Variants in KCTD8 observed in about 807,000 individuals in gnomAD.
The protein encoded by KCTD8 is BTB/POZ domain-containing protein KCTD8.
KCTD8 carries 27 observed loss-of-function variants against 31.5 expected under a neutral mutation model. The ratio of observed to expected loss-of-function variants is 0.86; its 90% CI spans 0.63 to 1.18. The LOEUF (loss-of-function observed/expected upper bound fraction) is 1.18, where lower values mean the gene tolerates loss of function less well. Ranked by LOEUF, KCTD8 falls within the 50% of genes most tolerant of loss-of-function variation. The pLI is 0.00. For missense variants in KCTD8, 658 were observed against 647.7 expected (o/e 1.02, Z -0.17); for synonymous variants, 290 against 280.0 (o/e 1.04, Z -0.36).
chr4:44,255,522 T>C (rs1715965551), intron 1 of KCTD8, among the ~76,000 whole-genome samples: 1 of 151,932 alleles, frequency 6.6e-6, no homozygotes, highest in African/African-American at 2.4e-5. Flanking sequence ...AATATTTAAA[T>C]ATTTCACAGA....
At chr4:44,381,630 G>C (rs1417708588) in intron 1 of KCTD8, among the ~76,000 whole-genome samples, 3 of 152,078 alleles carry the variant, frequency 2.0e-5, no homozygotes. Context: ...GCCAATGCTG[G>C]AGGTGGGGCC....
At chr4:44,275,344 T>A (rs1430087074) in intron 1 of KCTD8, among the ~76,000 whole-genome samples, 1 of 151,996 alleles carries the variant, frequency 6.6e-6, no homozygotes, top group African/African-American at 2.4e-5. Flanking sequence ...GTCTTCTCCC[T>A]CCTTTCTTCC....
chr4:44,224,569 T>C (rs1339322400), intron 1 of KCTD8, among the ~76,000 whole-genome samples: 1 of 152,154 alleles, frequency 6.6e-6, no homozygotes, highest in Non-Finnish European at 1.5e-5. Flanking sequence ...CTCACCTCAA[T>C]GCCTTATTAA....
At chr4:44,226,092 T>C (rs1305163346) in intron 1 of KCTD8, among the ~76,000 whole-genome samples, 1 of 152,126 alleles carries the variant, frequency 6.6e-6, no homozygotes, top group Non-Finnish European at 1.5e-5. Flanking sequence ...CCTCCCAAAG[T>C]GTTGGGATTA....
At position 44,176,812 on chromosome 4, in the gene KCTD8, C is replaced by T. The variant is rs187591604; in HGVS notation, c.962-1562G>A. Among the ~76,000 whole-genome samples the T allele has an allele frequency of 6.4e-3, 974 of 152,086 alleles. 14 individuals carry two copies. The highest frequency in any genetic ancestry group is 0.023 in the African/African-American group (944 of 41,492). ...TTATACCTTGACTAACCTGACTCCC[C>T]CTCCTGAAAAACACAAACAACAAAG... On this transcript the variant is annotated intron_variant, in intron 1 of 1. Transcript: ENST00000360029.
intron 1 of KCTD8, among the ~76,000 whole-genome samples, chr4:44,424,196 T>C (rs1270643934): frequency 1.3e-5 from 2 of 152,054 alleles, no homozygotes; most frequent in Admixed American, 6.6e-5. Context: ...CTTTTCTAAA[T>C]ACCTATCTAT....
intron 1 of KCTD8, among the ~76,000 whole-genome samples, chr4:44,245,773 G>A (rs76983408): frequency 0.03 from 4,596 of 151,908 alleles, 236 homozygotes; most frequent in African/African-American, 0.11. Flanking sequence ...AAGACTGATT[G>A]CAGAAAAAGC....
intron 1 of KCTD8, among the ~76,000 whole-genome samples, chr4:44,349,257 G>A (rs1719134165): frequency 6.6e-6 from 1 of 152,156 alleles, no homozygotes. Context: ...AAAGAAGAAG[G>A]AGAAATATTG....
At chr4:44,245,778 A>T (rs1017792226) in intron 1 of KCTD8, among the ~76,000 whole-genome samples, 1 of 151,960 alleles carries the variant, frequency 6.6e-6, no homozygotes, top group Non-Finnish European at 1.5e-5. Flanking sequence ...TGATTGCAGA[A>T]AAAGCAGCTA....
intron 1 of KCTD8, among the ~76,000 whole-genome samples, chr4:44,185,469 C>T (rs917654506): frequency 4.6e-5 from 7 of 152,166 alleles, no homozygotes; most frequent in South Asian, 2.1e-4. Context: ...GTTCCTCTAG[C>T]ACATACGATA....
chr4:44,319,461 T>TAA lies in KCTD8; in HGVS notation c.961+128100_961+128101dup, dbSNP rs752761296. ...ATTTAGGGACTGAGTACCCCTGTGG[T>TAA]AAAAAAAAAAAAAATGCAACACAGG... On this transcript the variant is annotated intron_variant, in intron 1 of 1. Coordinates refer to ENST00000360029, the MANE Select transcript of KCTD8 (RefSeq NM_198353.3). Among the ~76,000 whole-genome samples, 941 of 136,478 alleles carry TAA rather than the reference T, an allele frequency of 6.9e-3. 12 individuals are homozygous for TAA. Among genetic ancestry groups the TAA allele is most frequent in the African/African-American group, 0.024 (892 of 37,388 alleles). The allele number at this position is 136,478 out of a possible 152,430, so 89.5% of individuals were successfully genotyped here.
chr4:44,332,100 AAATGCTCT>A (rs1718603895), intron 1 of KCTD8, among the ~76,000 whole-genome samples: 1 of 151,950 alleles, frequency 6.6e-6, no homozygotes, highest in Non-Finnish European at 1.5e-5. Flanking sequence ...ACGCTGAAAG[AAATGCTCT>A]AAGTAATCAG....
chr4:44,292,587 G>T (rs1717312481), intron 1 of KCTD8, among the ~76,000 whole-genome samples: 1 of 152,122 alleles, frequency 6.6e-6, no homozygotes, highest in Non-Finnish European at 1.5e-5. Context: ...ATGTACCCAT[G>T]TAACAAACCT....
intron 1 of KCTD8, among the ~76,000 whole-genome samples, chr4:44,321,218 T>A (rs953857410): frequency 1.3e-5 from 2 of 152,232 alleles, no homozygotes; most frequent in African/African-American, 2.4e-5. Flanking sequence ...ATTTTAACTA[T>A]ATAAGCTATT....
intron 1 of KCTD8, among the ~76,000 whole-genome samples, chr4:44,387,844 A>T (rs1290957120): frequency 6.6e-6 from 1 of 151,968 alleles, no homozygotes; most frequent in Non-Finnish European, 1.5e-5. Flanking sequence ...AAGCAATTGC[A>T]ACAAAAGCAA....
At chr4:44,420,418 C>T (rs1414832229) in intron 1 of KCTD8, among the ~76,000 whole-genome samples, 1 of 152,130 alleles carries the variant, frequency 6.6e-6, no homozygotes, top group Admixed American at 6.6e-5. Context: ...GATCAGCAAA[C>T]TTTTTCTTCT....
At chr4:44,384,478 C>T (rs1720156253) in intron 1 of KCTD8, among the ~76,000 whole-genome samples, 1 of 151,770 alleles carries the variant, frequency 6.6e-6, no homozygotes, top group African/African-American at 2.4e-5. Flanking sequence ...CTGTTATTTG[C>T]AGCACAATGG....
At position 44,199,455 on chromosome 4, in the gene KCTD8, C is replaced by T. The variant is rs150816549; in HGVS notation, c.962-24205G>A. ...AAAAACTGAAATCATACCAAGCATA[C>T]CCTTGGACCACAGGGCAATAAAAAT... On this transcript the variant is annotated intron_variant, in intron 1 of 1. Transcript: ENST00000360029. 5.4e-3 allele frequency among the ~76,000 whole-genome samples: 823 copies of T among 152,088 alleles called. 12 individuals carry two copies. The highest frequency in any genetic ancestry group is 0.018 in the African/African-American group (761 of 41,506).
chr4:44,284,976 A>T (rs1276129241), intron 1 of KCTD8, among the ~76,000 whole-genome samples: 1 of 152,098 alleles, frequency 6.6e-6, no homozygotes, highest in African/African-American at 2.4e-5. Context: ...GAAACAACAG[A>T]TTCTGCAGAG....
Sources: allele counts gnomAD v4.1 joint callset (sites outside exome capture counted in the v4.1 genomes callset), GRCh38; gene constraint gnomAD v4.1.1; transcripts MANE v1.5; gene names NCBI Gene and HGNC (gene_info 2026-07-23, HGNC 2026-07-21).